Variants in RB1 observed in about 807,000 individuals in gnomAD.
RB1 encodes the protein retinoblastoma-associated protein.
A neutral mutation model predicts 135.4 loss-of-function variants in RB1; 18 were observed. The ratio of observed to expected loss-of-function variants is 0.13; its 90% CI spans 0.09 to 0.20. RB1 has a LOEUF of 0.20. Among genes scored for constraint, RB1 ranks in the 10% least tolerant of loss-of-function variants. The pLI, the probability that RB1 is intolerant of heterozygous loss-of-function variation, is 1.00. For synonymous variants in RB1, 365 were observed against 373.2 expected (o/e 0.98, Z 0.25); for missense variants, 868 against 1,110.0 (o/e 0.78, Z 3.10).
At chr13:48,306,251 TA>T (rs1411691151) in intron 1 of RB1, among the ~76,000 whole-genome samples, 1 of 152,020 alleles carries the variant, frequency 6.6e-6, no homozygotes, top group African/African-American at 2.4e-5. Context: ...AAACAAATTT[TA>T]AAAAATTAGC....
intron 6 of RB1, among the ~76,000 whole-genome samples, chr13:48,358,335 C>A (rs1257387392): frequency 1.3e-5 from 2 of 151,962 alleles, no homozygotes; most frequent in South Asian, 2.1e-4. Context: ...ATATGTGTAA[C>A]CCTGATTTGA....
At chr13:48,443,014 T>A (rs1238002596) in intron 17 of RB1, among the ~76,000 whole-genome samples, 1 of 152,048 alleles carries the variant, frequency 6.6e-6, no homozygotes, top group Non-Finnish European at 1.5e-5. Flanking sequence ...AATTAATAAA[T>A]CCACTTTGAA....
chr13:48,329,333 T>C (rs147615818), intron 2 of RB1, among the ~76,000 whole-genome samples: 26 of 152,320 alleles, frequency 1.7e-4, no homozygotes, highest in Admixed American at 5.2e-4. Flanking sequence ...ATTGAATCTG[T>C]GTTTCAGAAA....
chr13:48,414,515 G>T (rs1948875442), intron 17 of RB1, among the ~76,000 whole-genome samples: 1 of 151,838 alleles, frequency 6.6e-6, no homozygotes, highest in African/African-American at 2.4e-5. Context: ...CTTCAGAAAA[G>T]GCTAGATCTA....
chr13:48,384,137 G>T (rs1209912009), intron 17 of RB1, among the ~76,000 whole-genome samples: 1 of 152,022 alleles, frequency 6.6e-6, no homozygotes, highest in Non-Finnish European at 1.5e-5. Context: ...AAAGTGACAA[G>T]CCCCAAATCT....
chr13:48,431,694 G>A (rs1949131243), intron 17 of RB1, among the ~76,000 whole-genome samples: 1 of 152,172 alleles, frequency 6.6e-6, no homozygotes, highest in African/African-American at 2.4e-5. Context: ...AAAGACCAAA[G>A]GACGGCTTCT....
At chr13:48,317,130 G>T in intron 2 of RB1, 1 of 905,518 alleles carries the variant, frequency 1.1e-6, no homozygotes, top group Non-Finnish European at 1.5e-6. Flanking sequence ...GACAGGGCTG[G>T]GCCCGGCCTG....
In RB1 at chr13:48,304,025, GC is replaced by G; in HGVS notation, c.116del (p.Pro39ArgfsTer26). 6.8e-7 allele frequency: 1 copy of G among 1,464,826 alleles called. No homozygotes were observed. Among genetic ancestry groups the G allele is most frequent in the Non-Finnish European group, 9.0e-7 (1 of 1,116,682 alleles). 90.7% of individuals were successfully genotyped at this position (1,464,826 alleles called of 1,614,324 possible). A position where few individuals can be genotyped will look rare whatever the true frequency, so the allele number is the denominator to read the frequency against. On this transcript the variant is annotated frameshift_variant, in exon 1 of 27. Coordinates refer to ENST00000267163, the MANE Select transcript of RB1 (RefSeq NM_000321.3). LOFTEE classifies it high-confidence loss of function. Reference protein sequence around the residue: ...PPEEDPEQDSGPEDLPLVRLE... With the variant: ...PPEEDPEQDSXPEDLPLVRLE... ...GAGGAGGACCCAGAGCAGGACAGCG[GC>G]CCGGAGGACCTGCCTCTCGTCAGGT...
intron 6 of RB1, among the ~76,000 whole-genome samples, chr13:48,358,892 G>C (rs982638750): frequency 6.6e-6 from 1 of 152,170 alleles, no homozygotes; most frequent in South Asian, 2.1e-4. Context: ...AGAAATCCTT[G>C]ATATCGTTCT....
intron 23 of RB1, among the ~76,000 whole-genome samples, chr13:48,471,573 T>TAAA (rs1555294964): frequency 1.4e-4 from 19 of 133,994 alleles, no homozygotes; most frequent in African/African-American, 4.9e-4. Context: ...AAAATATAAA[T>TAAA]AAAAAAAAAA....
intron 17 of RB1, among the ~76,000 whole-genome samples, chr13:48,419,676 T>C (rs1332519515): frequency 1.3e-5 from 2 of 151,904 alleles, no homozygotes; most frequent in African/African-American, 4.8e-5. Flanking sequence ...AAGAATCAAA[T>C]AGACACAATA....
rs1952627374 is a variant in RB1 at position 48,360,256 on chromosome 13, A to G, written c.718+129A>G. 1.9e-5 allele frequency: 28 copies of G among 1,511,144 alleles called. 1 individual carries two copies. The East Asian group carries it at 6.6e-4, about 36-fold the overall frequency. 93.6% of individuals were successfully genotyped at this position (1,511,144 alleles called of 1,614,324 possible). A position where few individuals can be genotyped will look rare whatever the true frequency, so the allele number is the denominator to read the frequency against. On this transcript the variant is annotated intron_variant, in intron 7 of 26. Coordinates refer to ENST00000267163, the MANE Select transcript of RB1 (RefSeq NM_000321.3). ...AATAAATCAGACATGGACTTTGCCC[A>G]TAAGTAGTGTAAGTTATAGAAGGAA...
chr13:48,461,782 T>C (rs1949406916), intron 20 of RB1, among the ~76,000 whole-genome samples: 1 of 152,196 alleles, frequency 6.6e-6, no homozygotes, highest in Non-Finnish European at 1.5e-5. Context: ...GCCATGTGTA[T>C]ATCTTCTTTA....
chr13:48,354,570 A>C (rs1481248003), intron 6 of RB1, among the ~76,000 whole-genome samples: 1 of 152,198 alleles, frequency 6.6e-6, no homozygotes, highest in Non-Finnish European at 1.5e-5. Context: ...TCTTCACAGA[A>C]ATAGAAAAAA....
chr13:48,312,393 T>C (rs1243629837), intron 2 of RB1, among the ~76,000 whole-genome samples: 9 of 152,168 alleles, frequency 5.9e-5, no homozygotes, highest in African/African-American at 2.2e-4. Flanking sequence ...TTAGGGGAAA[T>C]TAAATAATCT....
At chr13:48,368,931 G>A (rs897953890) in intron 11 of RB1, among the ~76,000 whole-genome samples, 10 of 152,072 alleles carry the variant, frequency 6.6e-5, no homozygotes, top group South Asian at 6.2e-4. Flanking sequence ...GCTTGAACCC[G>A]GGAGGCGGAG....
chr13:48,412,748 A>G, intron 17 of RB1: 1 of 357,002 alleles, frequency 2.8e-6, no homozygotes, highest in South Asian at 3.0e-5. Flanking sequence ...TTATAAATTT[A>G]AAGAAAAGCT....
At chr13:48,411,596 A>G (rs761515525) in intron 17 of RB1, 8 of 1,612,664 alleles carry the variant, frequency 5.0e-6, no homozygotes, top group Middle Eastern at 1.7e-4. Context: ...CAATACAGAG[A>G]GTGATTGGGT....
chr13:48,402,232 C>T (rs901801464), intron 17 of RB1, among the ~76,000 whole-genome samples: 2 of 152,036 alleles, frequency 1.3e-5, no homozygotes, highest in Non-Finnish European at 2.9e-5. Context: ...TAATAGTGTA[C>T]ACTTTTAGAT....
Sources: gnomAD v4.1 joint callset for allele counts (sites outside exome capture counted in the v4.1 genomes callset) on GRCh38, gnomAD v4.1.1 for gene constraint, MANE v1.5 for transcripts, NCBI Gene and HGNC (gene_info 2026-07-23, HGNC 2026-07-21) for gene names.